Variants in USP6NL observed in about 807,000 individuals in gnomAD.
The protein encoded by USP6NL is USP6 N-terminal-like protein.
USP6NL carries 26 observed loss-of-function variants against 61.9 expected under a neutral mutation model. The observed-to-expected ratio is 0.42, with a 90% CI of 0.31 to 0.58. The LOEUF is 0.58. USP6NL is among the 20% of genes least tolerant of loss of function. The pLI is 0.16. For missense variants in USP6NL, 1,114 were observed against 1,034.3 expected, an observed-to-expected ratio of 1.08 and a Z score of -1.06; for synonymous variants, 432 against 390.1, an observed-to-expected ratio of 1.11 and a Z score of -1.27.
intron 2 of USP6NL, among the ~76,000 whole-genome samples, chr10:11,549,237 T>C (rs1478539852): frequency 1.3e-5 from 2 of 152,170 alleles, no homozygotes; most frequent in Non-Finnish European, 1.5e-5. Context: ...TGTTCAAAGA[T>C]AATTTTACGA....
In USP6NL at chr10:11,611,281, C is replaced by G. The variant is rs1445089782; in HGVS notation, c.-84+162G>C. 6.6e-6 allele frequency: 1 copy of G among 151,898 alleles called. No individual in the cohort carries two copies. The highest frequency in any genetic ancestry group is 1.5e-5 in the Non-Finnish European group (1 of 67,962). The allele number at this position is 151,898 out of a possible 1,614,324, so 9.4% of individuals were successfully genotyped here. On this transcript the variant is annotated intron_variant, in intron 1 of 14. Coordinates refer to ENST00000609104, the MANE Select transcript of USP6NL (RefSeq NM_014688.5). The surrounding 1 kb of genome is among the most constrained non-coding windows in gnomAD (Gnocchi z 5.3). ...CCCCGCACTGTGCCCGAGCCGCCCC[C>G]CAGGGCCGAGCCGCGAACCGCAGCC...
chr10:11,542,643 C>A (rs944800452), intron 2 of USP6NL, among the ~76,000 whole-genome samples: 1 of 152,082 alleles, frequency 6.6e-6, no homozygotes, highest in Admixed American at 6.6e-5. Context: ...TGCCTGAACC[C>A]GGGAGACAGA....
chr10:11,530,553 T>A (rs765613169), intron 2 of USP6NL, among the ~76,000 whole-genome samples: 8 of 152,188 alleles, frequency 5.3e-5, no homozygotes, highest in Non-Finnish European at 1.2e-4. Context: ...TAACTCTAAA[T>A]CAAATAAATA....
chr10:11,517,463 C>T (rs1835006020), intron 5 of USP6NL, among the ~76,000 whole-genome samples: 1 of 152,238 alleles, frequency 6.6e-6, no homozygotes, highest in South Asian at 2.1e-4. Flanking sequence ...ATGTGAGCTT[C>T]TCCAAGGCAG....
rs1833673535 is a variant in USP6NL, at chr10:11,490,642, C to T, written c.543+190G>A. ...CTGTGGTCATATTTAGGTTCTTCCA[C>T]TTCAGAATCAGCTCTGTTCTAAGGC... On this transcript the variant is annotated intron_variant, in intron 9 of 14. Transcript: ENST00000609104. The surrounding 1 kb of genome is among the most constrained non-coding windows in gnomAD (Gnocchi z 4.5). 6.6e-6 allele frequency among the ~76,000 whole-genome samples: 1 copy of T among 152,220 alleles called. No homozygotes were observed. The highest frequency in any genetic ancestry group is 2.4e-5 in the African/African-American group (1 of 41,450).
At chr10:11,502,773 G>A (rs1834258994) in intron 6 of USP6NL, among the ~76,000 whole-genome samples, 1 of 152,128 alleles carries the variant, frequency 6.6e-6, no homozygotes, top group South Asian at 2.1e-4. Flanking sequence ...AATACTGTAA[G>A]GTTGATTCAA....
rs1256337323 is a variant in USP6NL at position 11,496,784 on chromosome 10, C to CTGGGCATGTCTAGAATAAGGCTATT, written c.385-3581_385-3557dup. On this transcript the variant is annotated intron_variant, in intron 7 of 14. Transcript: ENST00000609104. The surrounding 1 kb of genome is among the most constrained non-coding windows in gnomAD (Gnocchi z 5.4). Reference sequence around the variant, plus strand: ...CTGGGGATGTCTATTATAAGGCTATCTGGGCATGTCTAGAATAAGGCTATT... The same window carrying CTGGGCATGTCTAGAATAAGGCTATT: ...CTGGGGATGTCTATTATAAGGCTATCTGGGCATGTCTAGAATAAGGCTATTTGGGCATGTCTAGAATAAGGCTATT... Among the ~76,000 whole-genome samples the CTGGGCATGTCTAGAATAAGGCTATT allele has an allele frequency of 3.9e-5, 6 of 152,024 alleles. No homozygotes were observed. Among genetic ancestry groups the CTGGGCATGTCTAGAATAAGGCTATT allele is most frequent in the Non-Finnish European group, 8.8e-5 (6 of 68,016 alleles).
intron 4 of USP6NL, among the ~76,000 whole-genome samples, chr10:11,523,347 G>A (rs1190033645): frequency 2.0e-5 from 3 of 152,200 alleles, no homozygotes; most frequent in Admixed American, 2.0e-4. Flanking sequence ...CACAAGTGTG[G>A]AAAAATCACT....
intron 13 of USP6NL, among the ~76,000 whole-genome samples, chr10:11,483,691 T>G (rs1026452938): frequency 0.022 from 320 of 14,646 alleles, no homozygotes; most frequent in Admixed American, 0.027. Flanking sequence ...AGGTGGGGGG[T>G]GGGGAGGCAA....
At chr10:11,479,434 C>T (rs1485637481) in intron 14 of USP6NL, among the ~76,000 whole-genome samples, 1 of 152,164 alleles carries the variant, frequency 6.6e-6, no homozygotes, top group African/African-American at 2.4e-5. Flanking sequence ...AATCAGTAAA[C>T]ATTTTAAAAT....
chr10:11,521,613 C>G (rs1835211460), intron 4 of USP6NL, among the ~76,000 whole-genome samples: 1 of 151,994 alleles, frequency 6.6e-6, no homozygotes, highest in African/African-American at 2.4e-5. Context: ...AACTCCTCAT[C>G]TCGTGATCCG....
Position 11,590,164 on chromosome 10 carries a change from G to A in USP6NL, c.4+7467C>T, listed in dbSNP as rs147417636. Among the ~76,000 whole-genome samples, 91 of 152,228 alleles carry A rather than the reference G, an allele frequency of 6.0e-4. 1 individual carries two copies. Among genetic ancestry groups the A allele is most frequent in the East Asian group, 3.7e-3 (19 of 5,188 alleles). On this transcript the variant is annotated intron_variant, in intron 2 of 14. Coordinates refer to ENST00000609104, the MANE Select transcript of USP6NL (RefSeq NM_014688.5). Reference sequence around the variant, plus strand: ...GGGAAGACATTTTCACTCTATGTCCGACCTTTCTAACCCGTAGCTTTAAAG... The same window carrying A: ...GGGAAGACATTTTCACTCTATGTCCAACCTTTCTAACCCGTAGCTTTAAAG...
rs1372051298 is a variant in USP6NL, at chr10:11,528,825, C to T, written c.5-1258G>A. 6.6e-6 allele frequency among the ~76,000 whole-genome samples: 1 copy of T among 152,050 alleles called. No homozygotes were observed. The highest frequency in any genetic ancestry group is 1.5e-5 in the Non-Finnish European group (1 of 67,990). ...TCCTAAGGAGAGGTGGGGTTAAAAA[C>T]AAGGGAGCTGAGTAAAGGAAGTCAA... On this transcript the variant is annotated intron_variant, in intron 2 of 14. Coordinates refer to ENST00000609104, the MANE Select transcript of USP6NL (RefSeq NM_014688.5). This position sits in a 1 kb window ranked among gnomAD's most constrained non-coding sequence, Gnocchi z 4.6.
chr10:11,504,848 T>A (rs1376478920), intron 6 of USP6NL, among the ~76,000 whole-genome samples: 1 of 152,176 alleles, frequency 6.6e-6, no homozygotes, highest in African/African-American at 2.4e-5. Flanking sequence ...CACCATGCCC[T>A]GACAGGGGAG....
In USP6NL at chr10:11,462,273, C is replaced by T; in HGVS notation, c.*168G>A. The T allele has an allele frequency of 1.3e-6, 1 of 789,600 alleles. No individual in the cohort carries two copies. 48.9% of individuals were successfully genotyped at this position (789,600 alleles called of 1,614,324 possible). A position where few individuals can be genotyped will look rare whatever the true frequency, so the allele number is the denominator to read the frequency against. On this transcript the variant is annotated 3_prime_UTR_variant, in exon 15 of 15. Transcript: ENST00000609104. ...ATGCAATTGAAACGCTCATCTTAAG[C>T]AGCATCTACGTGGGGCTGAAGACAT... is the stretch of plus-strand genomic sequence containing the variant.
intron 2 of USP6NL, among the ~76,000 whole-genome samples, chr10:11,579,082 A>C (rs1566195213): frequency 6.6e-6 from 1 of 152,244 alleles, no homozygotes; most frequent in African/African-American, 2.4e-5. Context: ...CCTGTAAGTA[A>C]TACTTACATT....
At chr10:11,530,875 T>C (rs1289527496) in intron 2 of USP6NL, among the ~76,000 whole-genome samples, 1 of 152,238 alleles carries the variant, frequency 6.6e-6, no homozygotes, top group African/African-American at 2.4e-5. Context: ...TTATTAAGAA[T>C]TACACTAGAA....
At position 11,481,296 on chromosome 10, in the gene USP6NL, C is replaced by T. The variant is rs1833187606; in HGVS notation, c.1078+474G>A. On this transcript the variant is annotated intron_variant, in intron 14 of 14. Coordinates refer to ENST00000609104, the MANE Select transcript of USP6NL (RefSeq NM_014688.5). The surrounding 1 kb of genome is among the most constrained non-coding windows in gnomAD (Gnocchi z 4.4). The stretch of plus-strand genomic sequence containing the variant: ...GTAGTCAGAAAAACTGGCCTGCAGT[C>T]TCAGTAATGCTATTTGTGGTTCTGT... 7.0e-6 allele frequency among the ~76,000 whole-genome samples: 1 copy of T among 143,482 alleles called. No individual in the cohort carries two copies. Among genetic ancestry groups the T allele is most frequent in the South Asian group, 2.2e-4 (1 of 4,582 alleles). 94.1% of individuals were successfully genotyped at this position (143,482 alleles called of 152,430 possible).
chr10:11,569,743 G>A (rs1837292447), intron 2 of USP6NL, among the ~76,000 whole-genome samples: 1 of 152,202 alleles, frequency 6.6e-6, no homozygotes, highest in African/African-American at 2.4e-5. Context: ...CAGTGATACA[G>A]CCAGAAATAC....
Sources: gnomAD v4.1 joint callset for allele counts (sites outside exome capture counted in the v4.1 genomes callset) on GRCh38, gnomAD v4.1.1 for gene constraint, Gnocchi (gnomAD v3.1) non-coding constraint, MANE v1.5 for transcripts, NCBI Gene and HGNC (gene_info 2026-07-23, HGNC 2026-07-21) for gene names.